Variants in LHFPL3 observed in about 807,000 individuals in gnomAD.
LHFPL3 encodes the protein LHFPL tetraspan subfamily member 3 protein.
LHFPL3 carries 5 observed loss-of-function variants against 19.3 expected under a neutral mutation model. The ratio of observed to expected loss-of-function variants is 0.26; its 90% CI spans 0.14 to 0.54. The LOEUF (loss-of-function observed/expected upper bound fraction) is 0.54. Among genes scored for constraint, LHFPL3 ranks in the 20% least tolerant of loss-of-function variants. The probability of loss-of-function intolerance (pLI) is 0.94; values close to 1 mark genes in which losing one functional copy is unlikely to be tolerated. For synonymous variants in LHFPL3, 133 were observed against 126.2 expected (o/e 1.05, Z -0.36); for missense variants, 249 against 307.4 (o/e 0.81, Z 1.42).
chr7:104,680,133 C>T (rs1273990397), intron 1 of LHFPL3, among the ~76,000 whole-genome samples: 1 of 152,164 alleles, frequency 6.6e-6, no homozygotes, highest in Non-Finnish European at 1.5e-5. Context: ...GGAAGGAACG[C>T]AATGAGCTGA....
chr7:104,655,885 T>C lies in LHFPL3; in HGVS notation c.446-80790T>C, dbSNP rs990351565. ...TGACAAAGGTTAGAACTAGTTATTATGTTTTTGTTGCCAGAAAAGCATTAC... is the reference window on the plus strand; with the variant it reads ...TGACAAAGGTTAGAACTAGTTATTACGTTTTTGTTGCCAGAAAAGCATTAC... On this transcript the variant is annotated intron_variant, in intron 1 of 2. Coordinates refer to ENST00000424859, the MANE Select transcript of LHFPL3 (RefSeq NM_199000.3). 2.6e-5 allele frequency among the ~76,000 whole-genome samples: 4 copies of C among 152,252 alleles called. No individual in the cohort carries two copies. The South Asian group carries it at 6.2e-4, about 24-fold the overall frequency.
intron 1 of LHFPL3, among the ~76,000 whole-genome samples, chr7:104,530,500 C>T (rs1365790950): frequency 1.3e-5 from 2 of 152,136 alleles, no homozygotes; most frequent in Non-Finnish European, 2.9e-5. Flanking sequence ...CGTGACAAGT[C>T]AATGAGGAGT....
chr7:104,625,169 C>T (rs997365429), intron 1 of LHFPL3, among the ~76,000 whole-genome samples: 1 of 152,190 alleles, frequency 6.6e-6, no homozygotes, highest in African/African-American at 2.4e-5. Context: ...CAGTGCCCAC[C>T]TGGATAGTCA....
At chr7:104,444,620 A>G (rs776557922) in intron 1 of LHFPL3, among the ~76,000 whole-genome samples, 4 of 152,220 alleles carry the variant, frequency 2.6e-5, no homozygotes, top group Admixed American at 1.3e-4. Flanking sequence ...AATCATAAAT[A>G]TGGACTGGCA....
intron 2 of LHFPL3, among the ~76,000 whole-genome samples, chr7:104,741,873 T>C (rs2116319025): frequency 6.6e-6 from 1 of 152,308 alleles, no homozygotes; most frequent in Non-Finnish European, 1.5e-5. Flanking sequence ...AGCTGGCACA[T>C]GCAAGAAAAC....
chr7:104,728,676 GT>G (rs1473412530), intron 1 of LHFPL3, among the ~76,000 whole-genome samples: 7 of 152,068 alleles, frequency 4.6e-5, no homozygotes, highest in African/African-American at 1.2e-4. Flanking sequence ...TGAGCCTTTA[GT>G]TTCTTTCCTA....
At chr7:104,503,013 G>A (rs936450561) in intron 1 of LHFPL3, among the ~76,000 whole-genome samples, 13 of 151,508 alleles carry the variant, frequency 8.6e-5, no homozygotes, top group East Asian at 5.8e-4. Context: ...CCAAACTCTC[G>A]ACCCAGCAAT....
intron 1 of LHFPL3, among the ~76,000 whole-genome samples, chr7:104,382,789 G>A (rs950363421): frequency 6.6e-6 from 1 of 152,190 alleles, no homozygotes; most frequent in African/African-American, 2.4e-5. Flanking sequence ...ACATGGCTGG[G>A]CTTTAAAGCC....
At position 104,642,132 on chromosome 7, in the gene LHFPL3, G is replaced by T. The variant is rs771577280; in HGVS notation, c.446-94543G>T. On this transcript the variant is annotated intron_variant, in intron 1 of 2. Coordinates refer to ENST00000424859, the MANE Select transcript of LHFPL3 (RefSeq NM_199000.3). Reference sequence around the variant, plus strand: ...AGCTCACTGCAGCCTCTGCCTCCCAGGTTCAAGCGATTCTCATGCCTCAGC... The same window carrying T: ...AGCTCACTGCAGCCTCTGCCTCCCATGTTCAAGCGATTCTCATGCCTCAGC... Among the ~76,000 whole-genome samples the T allele has an allele frequency of 8.8e-4, 129 of 147,342 alleles. 1 individual carries two copies. Among genetic ancestry groups the T allele is most frequent in the Non-Finnish European group, 3.3e-4 (22 of 67,424 alleles).
intron 2 of LHFPL3, among the ~76,000 whole-genome samples, chr7:104,821,691 G>T (rs1455318595): frequency 6.6e-6 from 1 of 152,154 alleles, no homozygotes; most frequent in African/African-American, 2.4e-5. Context: ...ATCTCACTAT[G>T]CTGCTTTATA....
chr7:104,533,158 C>T (rs1794334346), intron 1 of LHFPL3, among the ~76,000 whole-genome samples: 2 of 152,184 alleles, frequency 1.3e-5, no homozygotes, highest in African/African-American at 4.8e-5. Flanking sequence ...TGTTTACAAA[C>T]AGAAACAACA....
At chr7:104,528,355 T>C (rs1306927188) in intron 1 of LHFPL3, among the ~76,000 whole-genome samples, 1 of 152,174 alleles carries the variant, frequency 6.6e-6, no homozygotes, top group African/African-American at 2.4e-5. Context: ...ATAAACAATG[T>C]TGTAATAAGG....
At chr7:104,641,531 CAG>C in intron 1 of LHFPL3, among the ~76,000 whole-genome samples, 1 of 152,290 alleles carries the variant, frequency 6.6e-6, no homozygotes, top group South Asian at 2.1e-4. Flanking sequence ...AGAATCAGAA[CAG>C]ATTTCTTTTG....
At chr7:104,453,236 G>A (rs1054958433) in intron 1 of LHFPL3, among the ~76,000 whole-genome samples, 43 of 150,776 alleles carry the variant, frequency 2.9e-4, no homozygotes, top group African/African-American at 1.0e-3. Context: ...AAAAGGTGGA[G>A]AATTTTTTTT....
At chr7:104,722,892 T>C (rs1361141092) in intron 1 of LHFPL3, among the ~76,000 whole-genome samples, 1 of 152,182 alleles carries the variant, frequency 6.6e-6, no homozygotes, top group Non-Finnish European at 1.5e-5. Flanking sequence ...GCATAGACTT[T>C]TTAAAGAATG....
At chr7:104,807,117 A>G (rs1584545162) in intron 2 of LHFPL3, among the ~76,000 whole-genome samples, 1 of 151,818 alleles carries the variant, frequency 6.6e-6, no homozygotes, top group Admixed American at 6.6e-5. Context: ...GTCCTCATGG[A>G]GGTAATCAAA....
chr7:104,768,179 T>G (rs756208099), intron 2 of LHFPL3, among the ~76,000 whole-genome samples: 1 of 151,444 alleles, frequency 6.6e-6, no homozygotes, highest in Non-Finnish European at 1.5e-5. Context: ...GCCTCTGCTT[T>G]CCTTTGACTT....
chr7:104,727,637 C>T (rs921016711), intron 1 of LHFPL3, among the ~76,000 whole-genome samples: 2 of 152,080 alleles, frequency 1.3e-5, no homozygotes, highest in African/African-American at 2.4e-5. Context: ...GGAAGAATTT[C>T]AGATGGCTTG....
At chr7:104,884,290 C>G (rs2116692089) in intron 2 of LHFPL3, among the ~76,000 whole-genome samples, 1 of 152,236 alleles carries the variant, frequency 6.6e-6, no homozygotes, top group South Asian at 2.1e-4. Context: ...ACTTCGTTCT[C>G]TGTTTAGTTC....
Sources: allele counts gnomAD v4.1 joint callset (sites outside exome capture counted in the v4.1 genomes callset), GRCh38; gene constraint gnomAD v4.1.1; transcripts MANE v1.5; gene names NCBI Gene and HGNC (gene_info 2026-07-23, HGNC 2026-07-21).